The following KALRN variants were observed in gnomAD, a reference collection of about 807,000 sequenced individuals.
KALRN encodes kalirin.
Under a neutral mutation model 353.7 loss-of-function variants are expected in KALRN, and 70 were observed. The observed-to-expected ratio is 0.20, with a 90% CI of 0.16 to 0.24. KALRN has a LOEUF of 0.24. Ranked by LOEUF, KALRN falls within the 10% of genes least tolerant of loss-of-function variation. The pLI is 1.00. For synonymous variants in KALRN, 1,391 were observed against 1,434.8 expected (o/e 0.97, Z 0.69); for missense variants, 2,791 against 3,756.7 (o/e 0.74, Z 6.72).
intron 10 of KALRN, among the ~76,000 whole-genome samples, chr3:124,352,658 C>T (rs2082949257): frequency 6.6e-6 from 1 of 151,172 alleles, no homozygotes; most frequent in Non-Finnish European, 1.5e-5. Flanking sequence ...CTCTATCCAA[C>T]CCTTGTGGTT....
chr3:124,124,617 A>G lies in KALRN; in HGVS notation c.73+90804A>G, dbSNP rs530633757. On this transcript the variant is annotated intron_variant, in intron 1 of 59. Coordinates refer to ENST00000682506, the MANE Select transcript of KALRN (RefSeq NM_001388419.1). Reference sequence around the variant, plus strand: ...AAATCTTTAATGAAAGGAAGAGTCAATCAATGTGGCAAATATCATTGTTGT... The same window carrying G: ...AAATCTTTAATGAAAGGAAGAGTCAGTCAATGTGGCAAATATCATTGTTGT... Among the ~76,000 whole-genome samples, 6 of 152,352 alleles carry G rather than the reference A, an allele frequency of 3.9e-5. No individual in the cohort carries two copies. The South Asian group carries it at 1.2e-3, about 32-fold the overall frequency.
chr3:124,388,174 T>A (rs1373541188), intron 11 of KALRN, among the ~76,000 whole-genome samples: 2 of 152,206 alleles, frequency 1.3e-5, no homozygotes, highest in African/African-American at 4.8e-5. Context: ...ACTCTTAATC[T>A]CTGTTGCTTT....
chr3:124,497,127 G>GTAGA (rs1339227931), intron 33 of KALRN, among the ~76,000 whole-genome samples: 3 of 152,236 alleles, frequency 2.0e-5, no homozygotes, highest in Non-Finnish European at 2.9e-5. Flanking sequence ...AAGGCTCTGT[G>GTAGA]TATCTGCCCC....
chr3:124,098,882 G>T (rs1342538773), intron 1 of KALRN, among the ~76,000 whole-genome samples: 1 of 152,306 alleles, frequency 6.6e-6, no homozygotes, highest in South Asian at 2.1e-4. Flanking sequence ...AGTGACAGAA[G>T]TACAAAAATT....
intron 13 of KALRN, among the ~76,000 whole-genome samples, chr3:124,402,464 T>C (rs1178781464): frequency 6.6e-6 from 1 of 152,234 alleles, no homozygotes; most frequent in Non-Finnish European, 1.5e-5. Flanking sequence ...AGAAGAGACA[T>C]TTCACCAAAT....
chr3:124,678,385 A>G (rs765661888), intron 50 of KALRN, 72 bp downstream of exon 50: 39 of 1,533,200 alleles, frequency 2.5e-5, no homozygotes, highest in Admixed American at 3.8e-5. Context: ...TCACAAGCCA[A>G]TTTGGGTGGA....
intron 5 of KALRN, among the ~76,000 whole-genome samples, chr3:124,287,801 ATATATATATATATATATATATATATG>A (rs1264926530): frequency 4.3e-3 from 85 of 19,770 alleles, no homozygotes; most frequent in South Asian, 0.013. Context: ...ATATATATAT[ATATATATATATATATATATATATATG>A]TATATAATTT....
intron 2 of KALRN, among the ~76,000 whole-genome samples, chr3:124,228,672 T>C (rs1159906542): frequency 6.6e-6 from 1 of 152,220 alleles, no homozygotes; most frequent in African/African-American, 2.4e-5. Flanking sequence ...CAGCAATGTG[T>C]ATTTGTTTAT....
chr3:124,603,063 C>G (rs1220081738), intron 34 of KALRN, among the ~76,000 whole-genome samples: 2 of 152,256 alleles, frequency 1.3e-5, no homozygotes, highest in South Asian at 4.1e-4. Context: ...CCAGAAGCAG[C>G]CTTTTCTTGT....
At chr3:124,096,017 A>G (rs770500375) in intron 1 of KALRN, 16 of 152,168 alleles carry the variant, frequency 1.1e-4, no homozygotes, top group Non-Finnish European at 2.1e-4. Context: ...ACCAGCACAC[A>G]CTAAAAGCAG....
intron 34 of KALRN, among the ~76,000 whole-genome samples, chr3:124,581,881 T>C (rs1335996028): frequency 6.6e-6 from 1 of 152,176 alleles, no homozygotes; most frequent in Non-Finnish European, 1.5e-5. Flanking sequence ...GTGCTGGTTG[T>C]TGTGGGTCAG....
At chr3:124,137,074 A>T (rs1436777560) in intron 1 of KALRN, among the ~76,000 whole-genome samples, 1 of 152,136 alleles carries the variant, frequency 6.6e-6, no homozygotes, top group Non-Finnish European at 1.5e-5. Flanking sequence ...GGAAGAGGCT[A>T]TGCTGATGAA....
chr3:124,693,520 A>G (rs2061920049), intron 51 of KALRN, among the ~76,000 whole-genome samples: 1 of 151,946 alleles, frequency 6.6e-6, no homozygotes, highest in Non-Finnish European at 1.5e-5. Context: ...GGACAGAAAG[A>G]CCTCTGCTAG....
chr3:124,515,809 G>T (rs1204713039), intron 33 of KALRN, among the ~76,000 whole-genome samples: 2 of 152,072 alleles, frequency 1.3e-5, no homozygotes, highest in African/African-American at 2.4e-5. Context: ...TCTCAATAAT[G>T]TCATGAATGA....
intron 34 of KALRN, among the ~76,000 whole-genome samples, chr3:124,620,374 GATTATAGGC>G (rs1276632655): frequency 1.3e-5 from 2 of 152,138 alleles, no homozygotes; most frequent in East Asian, 3.8e-4. Context: ...AAAGTGCTGG[GATTATAGGC>G]ATGAGCCACC....
At chr3:124,664,139 C>T (rs1578780421) in intron 45 of KALRN, among the ~76,000 whole-genome samples, 1 of 116,662 alleles carries the variant, frequency 8.6e-6, no homozygotes, top group East Asian at 2.3e-4. Flanking sequence ...CTTGGCGTTA[C>T]ATCAGGTCTG....
intron 1 of KALRN, among the ~76,000 whole-genome samples, chr3:124,075,442 G>C (rs1443526309): frequency 6.6e-6 from 1 of 152,152 alleles, no homozygotes; most frequent in Non-Finnish European, 1.5e-5. Context: ...ATCATCAACT[G>C]GTTCCACTGA....
intron 9 of KALRN, 111 bp from the exon 10 acceptor site, chr3:124,347,032 T>C: frequency 6.6e-7 from 1 of 1,513,170 alleles, no homozygotes; most frequent in Non-Finnish European, 9.0e-7. Context: ...ACTGCTGCTT[T>C]ACAACTGGGA....
chr3:124,623,125 T>G (rs1286383861), intron 34 of KALRN, among the ~76,000 whole-genome samples: 1 of 151,884 alleles, frequency 6.6e-6, no homozygotes, highest in Admixed American at 6.6e-5. Context: ...TCCTTTCTTT[T>G]TTGTCTCTTT....
Sources: allele counts gnomAD v4.1 joint callset (sites outside exome capture counted in the v4.1 genomes callset), GRCh38; gene constraint gnomAD v4.1.1; transcripts MANE v1.5; gene names NCBI Gene and HGNC (gene_info 2026-07-23, HGNC 2026-07-21).